Variants in ALMS1 observed in about 807,000 individuals in gnomAD.
ALMS1 encodes centrosome-associated protein ALMS1.
Under a neutral mutation model 352.2 loss-of-function variants are expected in ALMS1, and 271 were observed. The ratio of observed to expected loss-of-function variants is 0.77; its 90% CI spans 0.70 to 0.85. ALMS1 has a LOEUF of 0.85. ALMS1 is among the 40% of genes least tolerant of loss of function. The pLI, the probability that ALMS1 is intolerant of heterozygous loss-of-function variation, is 0.00. For synonymous variants in ALMS1, 1,865 were observed against 1,761.2 expected (o/e 1.06, Z -1.48); for missense variants, 5,445 against 4,870.7 (o/e 1.12, Z -3.51).
At chr2:73,509,954 A>G (rs1279455108) in intron 10 of ALMS1, among the ~76,000 whole-genome samples, 1 of 151,850 alleles carries the variant, frequency 6.6e-6, no homozygotes, top group Non-Finnish European at 1.5e-5. Flanking sequence ...TTCACACTTT[A>G]TTTCATGAAG....
In ALMS1 at chr2:73,448,025, A is replaced by G. The variant is rs1248914888; in HGVS notation, c.1498A>G (p.Thr500Ala). ...QSNLKSGITT[T>A]PVDSDIGSHL... ...CAACTTGAAGTCAGGCATCACTACC[A>G]CTCCTGTTGATTCAGACATTGGATC... The change falls in exon 8 of 23, where the codon ACT becomes GCT. Residue 500 changes from threonine to alanine, a missense_variant. Physicochemically the swap from Thr to Ala is moderately conservative, Grantham distance 58. Coordinates refer to ENST00000613296, the MANE Select transcript of ALMS1 (RefSeq NM_001378454.1). The G allele has an allele frequency of 5.0e-6, 8 of 1,613,392 alleles. No individual in the cohort carries two copies. The highest frequency in any genetic ancestry group is 1.3e-5 in the African/African-American group (1 of 74,748).
chr2:73,449,199 C>G lies in ALMS1; in HGVS notation c.2672C>G (p.Pro891Arg), dbSNP rs781396327. ...TEEALKVSIV[P>R]GPGDQKTGIP... is the part of the protein sequence containing the mutation. ...GAGGCTCTGAAAGTATCAATTGTTC[C>G]TGGACCAGGTGATCAGAAGACTGGG... is the stretch of plus-strand genomic sequence containing the variant. The change falls in exon 8 of 23, where the codon CCT becomes CGT. Residue 891 changes from proline (P) to arginine (R), a missense_variant. By Grantham distance (103) the Pro-to-Arg change is moderately radical. Transcript: ENST00000613296. 1 of 1,614,004 alleles carries G rather than the reference C, an allele frequency of 6.2e-7. No individual in the cohort carries two copies. Among genetic ancestry groups the G allele is most frequent in the African/African-American group, 1.3e-5 (1 of 74,902 alleles).
intron 10 of ALMS1, among the ~76,000 whole-genome samples, chr2:73,515,727 C>G (rs1378363694): frequency 1.3e-5 from 2 of 150,070 alleles, no homozygotes; most frequent in Non-Finnish European, 3.0e-5. Flanking sequence ...TAAGTACAAT[C>G]AGAAATGACA....
At chr2:73,583,784 G>C (rs1048873604) in intron 16 of ALMS1, among the ~76,000 whole-genome samples, 4 of 152,086 alleles carry the variant, frequency 2.6e-5, no homozygotes, top group Non-Finnish European at 5.9e-5. Context: ...AAAATCATTT[G>C]AACATATATG....
At chr2:73,594,385 C>T (rs1311467355) in intron 16 of ALMS1, among the ~76,000 whole-genome samples, 8 of 152,190 alleles carry the variant, frequency 5.3e-5, no homozygotes, top group East Asian at 1.9e-4. Flanking sequence ...GAAATGAAAA[C>T]GGAAACATTC....
At chr2:73,607,872 C>G (rs1031879318) in intron 21 of ALMS1, among the ~76,000 whole-genome samples, 1 of 150,992 alleles carries the variant, frequency 6.6e-6, no homozygotes, top group African/African-American at 2.4e-5. Context: ...CCATCTTGGC[C>G]AGGCTGCTCT....
chr2:73,385,969 C>A lies in ALMS1; in HGVS notation c.101C>A (p.Ala34Glu), dbSNP rs1670513654. The A allele has an allele frequency of 6.6e-7, 1 of 1,515,090 alleles. No individual in the cohort carries two copies. The highest frequency in any genetic ancestry group is 9.0e-7 in the Non-Finnish European group (1 of 1,116,172). 93.9% of individuals were successfully genotyped at this position (1,515,090 alleles called of 1,614,324 possible). A position where few individuals can be genotyped will look rare whatever the true frequency, so the allele number is the denominator to read the frequency against. Reference protein sequence around the residue: ...EEEEEAAAAAAANVDDVVVVE... With the variant: ...EEEEEAAAAAEANVDDVVVVE... ...GAGGAGGAGGCTGCAGCGGCGGCGGCGGCGAACGTGGACGACGTAGTGGTC... is the reference window on the plus strand; with the variant it reads ...GAGGAGGAGGCTGCAGCGGCGGCGGAGGCGAACGTGGACGACGTAGTGGTC... Residue 34 changes from alanine (A) to glutamate (E), a missense_variant, in exon 1 of 23, where the codon GCG becomes GAG. By Grantham distance (107) the Ala-to-Glu change is moderately radical. Transcript: ENST00000613296.
chr2:73,448,426 A>C lies in ALMS1; in HGVS notation c.1899A>C (p.Gln633His). The change falls in exon 8 of 23, where the codon CAA (glutamine) becomes CAC (histidine). Residue 633 changes from glutamine to histidine, a missense_variant. Gln to His is a conservative substitution (Grantham distance 24). Coordinates refer to ENST00000613296, the MANE Select transcript of ALMS1 (RefSeq NM_001378454.1). Reference sequence around the variant, plus strand: ...GAGAGAAGCCTGGTACTTTTTACCAACAAGAGTTACCAGAGAGTAACTTAA... The same window carrying C: ...GAGAGAAGCCTGGTACTTTTTACCACCAAGAGTTACCAGAGAGTAACTTAA... ...SHREKPGTFY[Q>H]QELPESNLTE... is the part of the protein sequence containing the mutation. 6.2e-7 allele frequency: 1 copy of C among 1,614,008 alleles called. No individual in the cohort carries two copies. The highest frequency in any genetic ancestry group is 8.5e-7 in the Non-Finnish European group (1 of 1,179,932).
chr2:73,603,512 C>A, intron 21 of ALMS1: 1 of 563,982 alleles, frequency 1.8e-6, no homozygotes, highest in South Asian at 2.0e-5. Flanking sequence ...TGAAAAACTT[C>A]TCACTAATTT....
chr2:73,597,600 A>C (rs1376912574), intron 16 of ALMS1, among the ~76,000 whole-genome samples: 2 of 152,118 alleles, frequency 1.3e-5, no homozygotes, highest in Non-Finnish European at 2.9e-5. Context: ...TTTAGTCTCT[A>C]GTTTTATATC....
intron 13 of ALMS1, among the ~76,000 whole-genome samples, chr2:73,553,558 G>A (rs930763846): frequency 1.3e-5 from 2 of 152,056 alleles, no homozygotes; most frequent in African/African-American, 2.4e-5. Flanking sequence ...AAAACAAAGC[G>A]GTTATTAACT....
chr2:73,471,493 C>CAAAAAAAA (rs58688820), intron 9 of ALMS1, among the ~76,000 whole-genome samples: 16 of 113,582 alleles, frequency 1.4e-4, no homozygotes, highest in African/African-American at 1.9e-4. Context: ...ACTCAACAGC[C>CAAAAAAAA]AAAAAAAAAA....
intron 13 of ALMS1, among the ~76,000 whole-genome samples, chr2:73,552,991 A>G (rs989096699): frequency 2.0e-5 from 3 of 152,230 alleles, no homozygotes; most frequent in Admixed American, 1.3e-4. Flanking sequence ...GGCAAAAAAG[A>G]AAGAACCAAA....
intron 9 of ALMS1, among the ~76,000 whole-genome samples, chr2:73,485,895 G>A (rs993059641): frequency 2.8e-4 from 42 of 152,104 alleles, no homozygotes; most frequent in African/African-American, 8.9e-4. Context: ...GACCCCTTGC[G>A]CTTCCCAAGT....
At chr2:73,550,163 A>C in intron 12 of ALMS1, 104 bp from the exon 13 acceptor site, 1 of 1,224,708 alleles carries the variant, frequency 8.2e-7, no homozygotes, top group Non-Finnish European at 1.2e-6. Context: ...CCTGGCCTGT[A>C]GTGCTTTTTT....
At chr2:73,417,174 A>G (rs1412358279) in intron 2 of ALMS1, among the ~76,000 whole-genome samples, 2 of 152,186 alleles carry the variant, frequency 1.3e-5, no homozygotes, top group East Asian at 3.8e-4. Flanking sequence ...TACAGTTGTT[A>G]AATTCAAGAA....
chr2:73,601,264 G>A lies in ALMS1; in HGVS notation c.11942G>A (p.Cys3981Tyr), dbSNP rs1336818281. Residue 3981 changes from cysteine to tyrosine, a missense_variant, in exon 19 of 23, where the codon TGT becomes TAT. Cys to Tyr is a radical substitution (Grantham distance 194, BLOSUM62 -2). Coordinates refer to ENST00000613296, the MANE Select transcript of ALMS1 (RefSeq NM_001378454.1). ...AAGAAGGAAAACGTGCCTAACACTTGTGGCCCTGGCATCTCCTGGTTTGAA... is the reference window on the plus strand; with the variant it reads ...AAGAAGGAAAACGTGCCTAACACTTATGGCCCTGGCATCTCCTGGTTTGAA... Reference protein sequence around the residue: ...RSKKENVPNTCGPGISWFEPI... With the variant: ...RSKKENVPNTYGPGISWFEPI... The A allele has an allele frequency of 6.2e-7, 1 of 1,614,208 alleles. No homozygotes were observed.
intron 11 of ALMS1, among the ~76,000 whole-genome samples, chr2:73,534,439 G>C (rs1673984677): frequency 3.3e-5 from 5 of 152,054 alleles, no homozygotes; most frequent in Non-Finnish European, 5.9e-5. Flanking sequence ...TTTTTAGTTA[G>C]AGTCATCTAT....
intron 1 of ALMS1, among the ~76,000 whole-genome samples, chr2:73,395,622 T>A (rs984078797): frequency 6.6e-6 from 1 of 152,196 alleles, no homozygotes; most frequent in African/African-American, 2.4e-5. Context: ...CACTTGATTT[T>A]TATATATATT....
Sources: allele counts gnomAD v4.1 joint callset (sites outside exome capture counted in the v4.1 genomes callset), GRCh38; gene constraint gnomAD v4.1.1; transcripts MANE v1.5; gene names NCBI Gene and HGNC (gene_info 2026-07-23, HGNC 2026-07-21).